Variants in LRRFIP1 observed in about 807,000 individuals in gnomAD.
LRRFIP1 encodes LRR binding FLII interacting protein 1.
Under a neutral mutation model 104.4 loss-of-function variants are expected in LRRFIP1, and 62 were observed. That is an observed-to-expected ratio of 0.59 (90% CI 0.48 to 0.73). The LOEUF is 0.73. LRRFIP1 is among the 30% of genes least tolerant of loss of function. The probability of loss-of-function intolerance (pLI) is 0.00; values close to 1 mark genes in which losing one functional copy is unlikely to be tolerated. For synonymous variants in LRRFIP1, 300 were observed against 299.0 expected, an observed-to-expected ratio of 1.00 and a Z score of -0.03; for missense variants, 796 against 824.5, an observed-to-expected ratio of 0.97 and a Z score of 0.42.
At position 237,760,278 on chromosome 2, in the gene LRRFIP1, G is replaced by C. The variant is rs923015174; in HGVS notation, c.1459+73G>C. On this transcript the variant is annotated intron_variant, in intron 19 of 23. Coordinates refer to ENST00000308482, the MANE Select transcript of LRRFIP1 (RefSeq NM_001137550.2). ...TGGTTCACCCTCCATGCACTGCTGG[G>C]GTTGGAGCCACCGTCGCTGATGGGT... The C allele has an allele frequency of 4.7e-5, 72 of 1,529,644 alleles. No homozygotes were observed. The South Asian group carries it at 5.7e-4, about 12-fold the overall frequency. 94.8% of individuals were successfully genotyped at this position (1,529,644 alleles called of 1,614,324 possible).
At chr2:237,733,699 GT>G (rs2095115472) in intron 8 of LRRFIP1, 74 bp from the exon 9 acceptor site, 1 of 1,418,220 alleles carries the variant, frequency 7.1e-7, no homozygotes, top group South Asian at 1.2e-5. Flanking sequence ...TGAAACTATC[GT>G]GATGGCCTTT....
chr2:237,753,164 GC>G, intron 14 of LRRFIP1, 144 bp from the exon 15 acceptor site: 1 of 571,188 alleles, frequency 1.8e-6, no homozygotes, highest in Non-Finnish European at 2.9e-6. Context: ...ATTTGAAATT[GC>G]CATGTGTTTC....
At chr2:237,727,009 G>A (rs1363456029) in intron 7 of LRRFIP1, among the ~76,000 whole-genome samples, 2 of 152,192 alleles carry the variant, frequency 1.3e-5, no homozygotes, top group African/African-American at 2.4e-5. Flanking sequence ...TAAAAAACTA[G>A]TATAGAGGAT....
At chr2:237,668,971 T>C (rs1465550721) in intron 1 of LRRFIP1, among the ~76,000 whole-genome samples, 1 of 152,222 alleles carries the variant, frequency 6.6e-6, no homozygotes, top group Admixed American at 6.5e-5. Flanking sequence ...TAGTCTCAAT[T>C]ATGTGTCTCT....
chr2:237,653,937 G>A (rs568821802), intron 1 of LRRFIP1, among the ~76,000 whole-genome samples: 4 of 152,270 alleles, frequency 2.6e-5, no homozygotes, highest in Admixed American at 2.0e-4. Context: ...CCATGATATT[G>A]TTCCAAAAAC....
At chr2:237,675,601 T>A (rs981644776) in intron 1 of LRRFIP1, among the ~76,000 whole-genome samples, 1 of 152,254 alleles carries the variant, frequency 6.6e-6, no homozygotes, top group African/African-American at 2.4e-5. Flanking sequence ...GGGTTTTCTT[T>A]CTGTTCTTCC....
intron 1 of LRRFIP1, among the ~76,000 whole-genome samples, chr2:237,645,976 T>C (rs988525068): frequency 1.3e-5 from 2 of 151,966 alleles, no homozygotes; most frequent in Non-Finnish European, 2.9e-5. Context: ...AACTTTTTTC[T>C]TTTCCTTAGC....
At chr2:237,675,485 G>A (rs901673370) in intron 1 of LRRFIP1, among the ~76,000 whole-genome samples, 19 of 152,090 alleles carry the variant, frequency 1.2e-4, no homozygotes, top group Admixed American at 6.5e-5. Flanking sequence ...AGCCTGCCAG[G>A]GGGATCCACT....
At chr2:237,693,779 A>T (rs1425166592) in intron 1 of LRRFIP1, among the ~76,000 whole-genome samples, 1 of 152,186 alleles carries the variant, frequency 6.6e-6, no homozygotes, top group African/African-American at 2.4e-5. Context: ...AAGAGTAAAC[A>T]TTGAGAACAG....
intron 10 of LRRFIP1, 130 bp from the exon 11 acceptor site, chr2:237,739,102 C>G: frequency 1.4e-6 from 1 of 699,450 alleles, no homozygotes. Flanking sequence ...ACTCTCTTTT[C>G]CTTGCCGTGC....
chr2:237,658,692 G>T (rs925158896), intron 1 of LRRFIP1, among the ~76,000 whole-genome samples: 1 of 152,162 alleles, frequency 6.6e-6, no homozygotes, highest in East Asian at 1.9e-4. Flanking sequence ...GAGGAGTGCC[G>T]AGTGAAGGAG....
At chr2:237,699,897 A>G (rs1286402915) in intron 1 of LRRFIP1, among the ~76,000 whole-genome samples, 1 of 152,212 alleles carries the variant, frequency 6.6e-6, no homozygotes, top group African/African-American at 2.4e-5. Context: ...TCGTTCTCAC[A>G]GTCATGGCCG....
chr2:237,670,331 G>T (rs2090135905), intron 1 of LRRFIP1, among the ~76,000 whole-genome samples: 1 of 152,158 alleles, frequency 6.6e-6, no homozygotes, highest in African/African-American at 2.4e-5. Context: ...GTCTGCTGGG[G>T]AGCAGCGGCC....
chr2:237,673,716 G>A (rs2090705011), intron 1 of LRRFIP1, among the ~76,000 whole-genome samples: 2 of 152,210 alleles, frequency 1.3e-5, no homozygotes, highest in Admixed American at 1.3e-4. Context: ...TGGCGGGGAG[G>A]GTACCGTTTG....
chr2:237,759,121 T>A (rs964149493), intron 18 of LRRFIP1, among the ~76,000 whole-genome samples: 8 of 152,256 alleles, frequency 5.3e-5, no homozygotes, highest in Non-Finnish European at 1.0e-4. Flanking sequence ...AGGATATTAC[T>A]CAGACTTAGA....
At chr2:237,723,155 TA>T (rs1427789931) in intron 6 of LRRFIP1, among the ~76,000 whole-genome samples, 2 of 152,254 alleles carry the variant, frequency 1.3e-5, no homozygotes, top group Non-Finnish European at 1.5e-5. Flanking sequence ...TTGGATTTTC[TA>T]GAATTTCTCG....
intron 1 of LRRFIP1, among the ~76,000 whole-genome samples, chr2:237,679,386 AATAT>A (rs1483271977): frequency 1.3e-5 from 2 of 152,240 alleles, no homozygotes; most frequent in Non-Finnish European, 2.9e-5. Context: ...AGGAAGAAGG[AATAT>A]ATCAGCAATA....
intron 7 of LRRFIP1, among the ~76,000 whole-genome samples, chr2:237,725,240 C>A (rs2094695666): frequency 6.6e-6 from 1 of 152,186 alleles, no homozygotes; most frequent in Non-Finnish European, 1.5e-5. Flanking sequence ...ATTCCCTAGG[C>A]AGTGGCCCAT....
intron 1 of LRRFIP1, among the ~76,000 whole-genome samples, chr2:237,697,562 G>A (rs927237804): frequency 2.6e-4 from 39 of 152,190 alleles, no homozygotes; most frequent in Admixed American, 2.6e-3. Flanking sequence ...TTCTTTTATA[G>A]CTGGTTCCAG....
Sources: allele counts gnomAD v4.1 joint callset (sites outside exome capture counted in the v4.1 genomes callset), GRCh38; gene constraint gnomAD v4.1.1; transcripts MANE v1.5; gene names NCBI Gene and HGNC (gene_info 2026-07-23, HGNC 2026-07-21).